LRP6: variants seen among roughly 807,000 people sequenced by gnomAD.
The protein encoded by LRP6 is low-density lipoprotein receptor-related protein 6.
LRP6 carries 43 observed loss-of-function variants against 184.1 expected under a neutral mutation model. The ratio of observed to expected loss-of-function variants is 0.23; its 90% CI spans 0.18 to 0.30. LRP6 has a LOEUF of 0.30. LRP6 is among the 10% of genes least tolerant of loss of function. The pLI is 1.00. For synonymous variants in LRP6, 719 were observed against 684.9 expected (o/e 1.05, Z -0.78); for missense variants, 1,571 against 2,005.3 (o/e 0.78, Z 4.14).
chr12:12,261,072 T>A (rs960175209), intron 1 of LRP6, among the ~76,000 whole-genome samples: 4 of 152,128 alleles, frequency 2.6e-5, no homozygotes, highest in Non-Finnish European at 5.9e-5. Context: ...GACACAGTAG[T>A]TCAGTACAGC....
intron 3 of LRP6, among the ~76,000 whole-genome samples, chr12:12,194,516 G>A (rs969862489): frequency 3.9e-5 from 6 of 151,964 alleles, no homozygotes; most frequent in Non-Finnish European, 7.4e-5. Context: ...ATTGCTTTTT[G>A]TAAGTGTGCA....
intron 1 of LRP6, among the ~76,000 whole-genome samples, chr12:12,261,456 A>T (rs1276464369): frequency 1.3e-5 from 2 of 152,174 alleles, no homozygotes; most frequent in African/African-American, 4.8e-5. Flanking sequence ...CCTTCTGATA[A>T]TAACAAGCTA....
intron 1 of LRP6, among the ~76,000 whole-genome samples, chr12:12,259,793 C>T (rs111323299): frequency 9.8e-4 from 149 of 152,246 alleles, no homozygotes; most frequent in African/African-American, 3.5e-3. Context: ...TCATATAAAA[C>T]AGTGTTTTAT....
At position 12,237,758 on chromosome 12, in the gene LRP6, T is replaced by C. The variant is rs191985136; in HGVS notation, c.449+6504A>G. On this transcript the variant is annotated intron_variant, in intron 2 of 22. Coordinates refer to ENST00000261349, the MANE Select transcript of LRP6 (RefSeq NM_002336.3). ...ATGACTGGCCAATAATCTTCAAAAA[T>C]GTCCAGGTTATGAACAACAAAGAAA... Among the ~76,000 whole-genome samples the C allele has an allele frequency of 1.8e-4, 27 of 152,300 alleles. No homozygotes were observed. The East Asian group carries it at 5.0e-3, about 28-fold the overall frequency.
intron 2 of LRP6, among the ~76,000 whole-genome samples, chr12:12,221,912 A>C (rs1864499332): frequency 6.6e-6 from 1 of 152,234 alleles, no homozygotes; most frequent in Admixed American, 6.5e-5. Context: ...TTCAGAGAAC[A>C]GAGTAAAATA....
At chr12:12,187,589 A>G in intron 3 of LRP6, 1 of 194,782 alleles carries the variant, frequency 5.1e-6, no homozygotes, top group Non-Finnish European at 1.1e-5. Flanking sequence ...CTTGATGTGG[A>G]AGAACAAAGA....
At chr12:12,192,153 G>A (rs1039618217) in intron 3 of LRP6, among the ~76,000 whole-genome samples, 2 of 151,966 alleles carry the variant, frequency 1.3e-5, no homozygotes, top group African/African-American at 4.8e-5. Context: ...CAGAAAGGAT[G>A]GGAGAGAGAA....
chr12:12,155,511 T>C (rs1950139959), intron 12 of LRP6: 1 of 792,056 alleles, frequency 1.3e-6, no homozygotes, highest in Non-Finnish European at 2.2e-6. Context: ...AAGGGCAAGA[T>C]TCTTGCCAAC....
chr12:12,252,024 G>A (rs1865335660), intron 1 of LRP6, among the ~76,000 whole-genome samples: 2 of 152,226 alleles, frequency 1.3e-5, no homozygotes, highest in Admixed American at 6.5e-5. Flanking sequence ...CTCCTGAGGA[G>A]CTAGAACTAT....
intron 2 of LRP6, among the ~76,000 whole-genome samples, chr12:12,216,970 A>T (rs1158142178): frequency 6.6e-6 from 1 of 151,950 alleles, no homozygotes; most frequent in Non-Finnish European, 1.5e-5. Context: ...CTCATTTCTC[A>T]CGGCTCTAGT....
At chr12:12,183,387 A>C (rs138838098) in intron 5 of LRP6, among the ~76,000 whole-genome samples, 3 of 152,318 alleles carry the variant, frequency 2.0e-5, no homozygotes, top group Middle Eastern at 3.4e-3. Context: ...AAAATGTCCT[A>C]AATCAGTATA....
chr12:12,244,153 A>C (rs540217129), intron 2 of LRP6, 109 bp downstream of exon 2: 1 of 1,086,300 alleles, frequency 9.2e-7, no homozygotes, highest in Non-Finnish European at 1.4e-6. Flanking sequence ...AAGAATCTAA[A>C]ATTCCTGTTT....
At chr12:12,157,152 A>G (rs1245599578) in intron 12 of LRP6, among the ~76,000 whole-genome samples, 1 of 152,042 alleles carries the variant, frequency 6.6e-6, no homozygotes, top group Non-Finnish European at 1.5e-5. Flanking sequence ...TGGTAATCCC[A>G]AAATTTGTAT....
intron 3 of LRP6, among the ~76,000 whole-genome samples, chr12:12,193,422 A>G (rs560496402): frequency 6.6e-6 from 1 of 151,752 alleles, no homozygotes; most frequent in East Asian, 1.9e-4. Flanking sequence ...ATAAAGGGGG[A>G]AAAATCAATA....
chr12:12,135,476 T>TATC (rs1565542739), intron 16 of LRP6, among the ~76,000 whole-genome samples, 176 bp from the exon 17 acceptor site: 1 of 101,970 alleles, frequency 9.8e-6, no homozygotes, highest in Non-Finnish European at 2.0e-5. Flanking sequence ...TTTTTACTTT[T>TATC]ATCATTATTA....
At chr12:12,193,339 C>A (rs1863665902) in intron 3 of LRP6, among the ~76,000 whole-genome samples, 1 of 144,332 alleles carries the variant, frequency 6.9e-6, no homozygotes. Flanking sequence ...AAATCCAAAG[C>A]AAGTGTAAGG....
chr12:12,211,451 G>A (rs1213652313), intron 2 of LRP6, among the ~76,000 whole-genome samples: 1 of 152,166 alleles, frequency 6.6e-6, no homozygotes, highest in African/African-American at 2.4e-5. Flanking sequence ...CAAAAAAAGA[G>A]AGTCTGGAAT....
chr12:12,180,793 A>G (rs535759175), intron 6 of LRP6, among the ~76,000 whole-genome samples: 1 of 152,348 alleles, frequency 6.6e-6, no homozygotes, highest in South Asian at 2.1e-4. Context: ...CAAAATCTGC[A>G]GACAACACCC....
At chr12:12,208,907 C>T (rs540148190) in intron 2 of LRP6, among the ~76,000 whole-genome samples, 2 of 152,234 alleles carry the variant, frequency 1.3e-5, no homozygotes, top group East Asian at 3.9e-4. Context: ...TTGATATTTC[C>T]ATCTTGATAG....
Sources: allele counts gnomAD v4.1 joint callset (sites outside exome capture counted in the v4.1 genomes callset), GRCh38; gene constraint gnomAD v4.1.1; transcripts MANE v1.5; gene names NCBI Gene and HGNC (gene_info 2026-07-23, HGNC 2026-07-21).